Variants in FTO observed in about 807,000 individuals in gnomAD.
FTO encodes FTO alpha-ketoglutarate dependent dioxygenase.
A neutral mutation model predicts 63.9 loss-of-function variants in FTO; 47 were observed. That is an observed-to-expected ratio of 0.74 (90% confidence interval 0.58 to 0.94). The LOEUF is 0.94. FTO is among the 40% of genes least tolerant of loss of function. The pLI, the probability that FTO is intolerant of heterozygous loss-of-function variation, is 0.00. For synonymous variants in FTO, 207 were observed against 224.4 expected, an observed-to-expected ratio of 0.92 and a Z score of 0.69; for missense variants, 562 against 618.1, an observed-to-expected ratio of 0.91 and a Z score of 0.96.
chr16:53,790,414 A>C (rs1048540958), intron 1 of FTO, among the ~76,000 whole-genome samples: 19 of 151,968 alleles, frequency 1.3e-4, no homozygotes, highest in Admixed American at 4.6e-4. Context: ...GACGACATTA[A>C]GATTAAAATC....
intron 8 of FTO, among the ~76,000 whole-genome samples, chr16:53,986,135 T>C (rs1226050722): frequency 6.6e-6 from 1 of 152,212 alleles, no homozygotes; most frequent in Non-Finnish European, 1.5e-5. Context: ...CTATTCTACT[T>C]TCGAAATAAG....
chr16:53,879,815 A>G (rs1273821262), intron 5 of FTO, 29 bp from the exon 6 acceptor site: 5 of 1,613,476 alleles, frequency 3.1e-6, no homozygotes, highest in South Asian at 1.1e-5. Flanking sequence ...TTTTGCCCAT[A>G]ATTGTGATTG....
chr16:54,036,090 A>G (rs1003395870), intron 8 of FTO, among the ~76,000 whole-genome samples: 1 of 152,166 alleles, frequency 6.6e-6, no homozygotes, highest in Non-Finnish European at 1.5e-5. Context: ...TATCTCTGGT[A>G]TATCGTTAAA....
At chr16:54,012,928 T>G (rs1169244496) in intron 8 of FTO, among the ~76,000 whole-genome samples, 1 of 152,194 alleles carries the variant, frequency 6.6e-6, no homozygotes, top group Non-Finnish European at 1.5e-5. Flanking sequence ...ATTAATGTTG[T>G]TTTCATGCCT....
intron 1 of FTO, among the ~76,000 whole-genome samples, chr16:53,796,139 G>A (rs1009237092): frequency 4.7e-5 from 7 of 150,226 alleles, no homozygotes; most frequent in African/African-American, 1.7e-4. Context: ...CCGCCTCCCA[G>A]GTTCAAGTGA....
chr16:53,924,028 G>A (rs1419317106), intron 7 of FTO, among the ~76,000 whole-genome samples: 2 of 152,284 alleles, frequency 1.3e-5, no homozygotes, highest in East Asian at 3.9e-4. Flanking sequence ...GTCATTCATA[G>A]TCATGGCTGT....
At chr16:54,094,867 C>T (rs554370702) in intron 8 of FTO, among the ~76,000 whole-genome samples, 6 of 152,154 alleles carry the variant, frequency 3.9e-5, no homozygotes, top group African/African-American at 1.4e-4. Flanking sequence ...AGGCTTTCTG[C>T]GGAGCACCGT....
At chr16:53,923,667 TTTTC>T (rs983876291) in intron 7 of FTO, among the ~76,000 whole-genome samples, 30 of 151,388 alleles carry the variant, frequency 2.0e-4, no homozygotes, top group African/African-American at 6.7e-4. Context: ...CTCCCCCACT[TTTTC>T]TTTCTTTCTA....
intron 8 of FTO, among the ~76,000 whole-genome samples, chr16:54,057,241 T>G (rs2085457166): frequency 6.6e-6 from 1 of 152,238 alleles, no homozygotes; most frequent in Non-Finnish European, 1.5e-5. Flanking sequence ...GCAAACCTTG[T>G]TTAGCACTGC....
intron 1 of FTO, among the ~76,000 whole-genome samples, chr16:53,725,113 C>T (rs2076124999): frequency 6.6e-6 from 1 of 152,162 alleles, no homozygotes; most frequent in Non-Finnish European, 1.5e-5. Flanking sequence ...GTGATGTCTA[C>T]AGGAGTACTT....
In FTO at chr16:54,051,515, C is replaced by T. The variant is rs75795939; in HGVS notation, c.1365-60247C>T. Among the ~76,000 whole-genome samples, 1,316 of 152,292 alleles carry T rather than the reference C, an allele frequency of 8.6e-3. 19 individuals carry two copies. The highest frequency in any genetic ancestry group is 0.016 in the Non-Finnish European group (1,058 of 68,030). On this transcript the variant is annotated intron_variant, in intron 8 of 8. Coordinates refer to ENST00000471389, the MANE Select transcript of FTO (RefSeq NM_001080432.3). ...GATCTGCCCACCTCAAGAACTGGCA[C>T]AGGTGATAGGTAGTCTTCAAATCTA...
At chr16:53,968,280 C>T (rs1260696927) in intron 8 of FTO, among the ~76,000 whole-genome samples, 3 of 152,178 alleles carry the variant, frequency 2.0e-5, no homozygotes, top group African/African-American at 7.2e-5. Context: ...TGCAAAACAT[C>T]ACAGTGCAGA....
intron 7 of FTO, 141 bp downstream of exon 7, chr16:53,889,092 A>G: frequency 9.9e-7 from 1 of 1,014,884 alleles, no homozygotes; most frequent in Non-Finnish European, 1.5e-6. Flanking sequence ...TGATGGGTAT[A>G]GCCAGGATTT....
chr16:53,741,056 A>G (rs976771231), intron 1 of FTO, among the ~76,000 whole-genome samples: 7 of 152,220 alleles, frequency 4.6e-5, no homozygotes, highest in Non-Finnish European at 8.8e-5. Flanking sequence ...AAGTAACAGT[A>G]ACATTTTGTC....
At chr16:53,948,060 G>A (rs182393347) in intron 8 of FTO, among the ~76,000 whole-genome samples, 11 of 152,220 alleles carry the variant, frequency 7.2e-5, no homozygotes, top group East Asian at 1.9e-4. Context: ...TTGAGAACTC[G>A]CCATTGTAAA....
At position 54,119,029 on chromosome 16, in the gene FTO, G is replaced by A. The variant is rs1298900699; in HGVS notation, c.*7114G>A. 6.6e-6 allele frequency: 1 copy of A among 152,184 alleles called. No homozygotes were observed. The highest frequency in any genetic ancestry group is 1.9e-4 in the East Asian group (1 of 5,192). The allele number at this position is 152,184 out of a possible 1,614,324, so 9.4% of individuals were successfully genotyped here. ...GAACAGTCTATGGCTCACTCTTAAA[G>A]CCACAGCAGGCTGCCAGGGCTTGGA... On this transcript the variant is annotated 3_prime_UTR_variant, in exon 9 of 9. Transcript: ENST00000471389.
chr16:53,894,642 G>GTGTC (rs1331226721), intron 7 of FTO, among the ~76,000 whole-genome samples: 1 of 151,750 alleles, frequency 6.6e-6, no homozygotes, highest in Non-Finnish European at 1.5e-5. Context: ...TTGTGTGTGT[G>GTGTC]TGTGTGTATA....
chr16:53,815,636 GTTTTTTTTTTTTTTTTT>G (rs556357629), intron 2 of FTO, among the ~76,000 whole-genome samples: 1,974 of 98,216 alleles, frequency 0.02, 88 homozygotes, highest in African/African-American at 0.097. Flanking sequence ...TGACTTTCTT[GTTTTTTTTTTTTTTTTT>G]TTTTTTTTTT....
intron 6 of FTO, 81 bp downstream of exon 6, chr16:53,880,068 C>A: frequency 9.9e-7 from 1 of 1,009,176 alleles, no homozygotes; most frequent in South Asian, 1.4e-5. Context: ...GACCTCGGCT[C>A]ACTACAACCT....
Sources: allele counts gnomAD v4.1 joint callset (sites outside exome capture counted in the v4.1 genomes callset), GRCh38; gene constraint gnomAD v4.1.1; transcripts MANE v1.5; gene names NCBI Gene and HGNC (gene_info 2026-07-23, HGNC 2026-07-21).